Variants in MRAP2 observed in about 807,000 individuals in gnomAD.
The protein encoded by MRAP2 is melanocortin-2 receptor accessory protein 2.
In MRAP2, 20 loss-of-function variants were observed where a neutral mutation model predicts 17.4. That is an observed-to-expected ratio of 1.15 (90% CI 0.81 to 1.67). MRAP2 has a LOEUF of 1.67. Among genes scored for constraint, MRAP2 ranks in the 40% most tolerant of loss-of-function variants. The probability of loss-of-function intolerance (pLI) is 0.00; values close to 1 mark genes in which losing one functional copy is unlikely to be tolerated. For missense variants in MRAP2, 238 were observed against 240.0 expected (o/e 0.99, Z 0.05); for synonymous variants, 96 against 88.4 (o/e 1.09, Z -0.48).
the MRAP2 span, among the ~76,000 whole-genome samples, chr6:84,104,824 C>A: frequency 6.6e-6 from 1 of 152,072 alleles, no homozygotes; most frequent in African/African-American, 2.4e-5. Flanking sequence ...GCCAAGATCA[C>A]ACCACTGCCC....
intron 1 of MRAP2, among the ~76,000 whole-genome samples, chr6:84,041,686 A>G (rs368375674): frequency 1.3e-5 from 2 of 152,242 alleles, no homozygotes; most frequent in East Asian, 3.9e-4. Context: ...TTACTGCTTT[A>G]TTGGATTTCA....
At chr6:84,115,099 A>C in the MRAP2 span, among the ~76,000 whole-genome samples, 1 of 152,150 alleles carries the variant, frequency 6.6e-6, no homozygotes. Flanking sequence ...GAGCTTGAAC[A>C]CTGTGCTGGG....
downstream of MRAP2, among the ~76,000 whole-genome samples, chr6:84,094,832 C>T (rs563653500): frequency 7.2e-4 from 110 of 152,144 alleles, 2 homozygotes; most frequent in African/African-American, 2.5e-3. Context: ...GCTGGGACTA[C>T]AGGTGCGCAC....
downstream of MRAP2, among the ~76,000 whole-genome samples, chr6:84,095,420 C>A (rs1170561701): frequency 6.6e-6 from 1 of 152,134 alleles, no homozygotes; most frequent in Non-Finnish European, 1.5e-5. Flanking sequence ...CCTCCCAAAC[C>A]TAAAATGATC....
chr6:84,081,455 TG>T (rs1415873426), intron 3 of MRAP2, among the ~76,000 whole-genome samples: 1 of 152,218 alleles, frequency 6.6e-6, no homozygotes, highest in Non-Finnish European at 1.5e-5. Context: ...GATTGGATCA[TG>T]GGGGCAGTTT....
chr6:84,126,111 G>A, the MRAP2 span, among the ~76,000 whole-genome samples: 1 of 152,080 alleles, frequency 6.6e-6, no homozygotes, highest in African/African-American at 2.4e-5. Context: ...GGTAAGATGT[G>A]TAAGTTTTTA....
At chr6:84,139,402 C>CA in the MRAP2 span, among the ~76,000 whole-genome samples, 1 of 152,186 alleles carries the variant, frequency 6.6e-6, no homozygotes, top group Non-Finnish European at 1.5e-5. Context: ...CATGAGGTTT[C>CA]TCCTGTGATG....
At chr6:84,090,964 A>G (rs2497127), downstream of MRAP2, 31,032 of 152,048 alleles carry the variant, frequency 0.2, 6,588 homozygotes, top group African/African-American at 0.54. Context: ...AATGTCTCCT[A>G]ACTTCTTGGA....
the MRAP2 span, among the ~76,000 whole-genome samples, chr6:84,096,343 A>G: frequency 6.6e-6 from 1 of 152,188 alleles, no homozygotes; most frequent in East Asian, 1.9e-4. Flanking sequence ...TAAAATTAAT[A>G]AAGACAAATG....
At chr6:84,134,874 T>C in the MRAP2 span, among the ~76,000 whole-genome samples, 2 of 151,178 alleles carry the variant, frequency 1.3e-5, no homozygotes, top group Admixed American at 6.6e-5. Flanking sequence ...AATGGTATAA[T>C]AGAAGTGCCA....
the MRAP2 span, among the ~76,000 whole-genome samples, chr6:84,130,029 C>T: frequency 2.0e-5 from 3 of 152,138 alleles, no homozygotes; most frequent in African/African-American, 7.2e-5. Flanking sequence ...TTTTGTGATA[C>T]GTTCCATCAA....
the MRAP2 span, among the ~76,000 whole-genome samples, chr6:84,144,755 A>C: frequency 1.3e-5 from 2 of 152,140 alleles, no homozygotes; most frequent in African/African-American, 4.8e-5. Context: ...CTTTTTAGGG[A>C]CTGTCTGTTT....
chr6:84,058,992 GACAAATCTC>G (rs1479957020), intron 2 of MRAP2, among the ~76,000 whole-genome samples: 1 of 152,150 alleles, frequency 6.6e-6, no homozygotes, highest in Non-Finnish European at 1.5e-5. Context: ...AGCATGTACA[GACAAATCTC>G]TCAAGTGTCT....
At chr6:84,093,404 A>G (rs1029798848), downstream of MRAP2, among the ~76,000 whole-genome samples, 4 of 152,010 alleles carry the variant, frequency 2.6e-5, no homozygotes, top group Non-Finnish European at 4.4e-5. Context: ...GGGCTGTGCC[A>G]TTTGCTCCCA....
intron 3 of MRAP2, 27 bp from the exon 4 acceptor site, chr6:84,089,064 A>C (rs765841375): frequency 6.3e-7 from 1 of 1,580,290 alleles, no homozygotes; most frequent in South Asian, 1.2e-5. Context: ...GAGTGTAAGC[A>C]GTCTTTTATT....
intron 2 of MRAP2, among the ~76,000 whole-genome samples, chr6:84,062,306 G>A (rs1374937791): frequency 1.3e-5 from 2 of 152,176 alleles, no homozygotes; most frequent in African/African-American, 4.8e-5. Context: ...TGTTCAAATG[G>A]TGTTCAAATC....
the MRAP2 span, among the ~76,000 whole-genome samples, chr6:84,142,974 A>T: frequency 1.3e-5 from 2 of 152,116 alleles, no homozygotes; most frequent in African/African-American, 4.8e-5. Flanking sequence ...ATAATTGTTA[A>T]TAACAAGTAC....
intron 3 of MRAP2, among the ~76,000 whole-genome samples, chr6:84,079,370 T>C (rs1455724654): frequency 6.6e-6 from 1 of 152,172 alleles, no homozygotes; most frequent in Non-Finnish European, 1.5e-5. Context: ...GAAATAGAAA[T>C]CAGAGCAGTG....
chr6:84,134,737 C>CT, the MRAP2 span, among the ~76,000 whole-genome samples: 1 of 152,270 alleles, frequency 6.6e-6, no homozygotes, highest in African/African-American at 2.4e-5. Context: ...GTAGAAATCA[C>CT]TTTCCTTCTG....
Sources: allele counts gnomAD v4.1 joint callset (sites outside exome capture counted in the v4.1 genomes callset), GRCh38; gene constraint gnomAD v4.1.1; transcripts MANE v1.5; gene names NCBI Gene and HGNC (gene_info 2026-07-23, HGNC 2026-07-21).